FAM168A: variants seen among roughly 807,000 people sequenced by gnomAD.
FAM168A encodes the protein protein FAM168A.
A neutral mutation model predicts 28.5 loss-of-function variants in FAM168A; 3 were observed. The ratio of observed to expected loss-of-function variants is 0.11; its 90% CI spans 0.05 to 0.27. FAM168A has a LOEUF of 0.27. Ranked by LOEUF, FAM168A falls within the 10% of genes least tolerant of loss-of-function variation. FAM168A has a pLI of 1.00. For synonymous variants in FAM168A, 122 were observed against 124.2 expected (o/e 0.98, Z 0.12); for missense variants, 222 against 311.5 (o/e 0.71, Z 2.16).
At chr11:73,462,351 A>C (rs1337623212) in intron 2 of FAM168A, among the ~76,000 whole-genome samples, 2 of 152,212 alleles carry the variant, frequency 1.3e-5, no homozygotes, top group African/African-American at 4.8e-5. Flanking sequence ...TCACACAAGG[A>C]CAAATACTGT....
At chr11:73,544,751 T>TATATATTTTA (rs1943705952) in intron 1 of FAM168A, among the ~76,000 whole-genome samples, 1 of 90,796 alleles carries the variant, frequency 1.1e-5, no homozygotes, top group African/African-American at 6.2e-5. Context: ...ATTATATATT[T>TATATATTTTA]TATATGTAAT....
chr11:73,467,156 A>C (rs1270452914), intron 2 of FAM168A, among the ~76,000 whole-genome samples: 1 of 152,054 alleles, frequency 6.6e-6, no homozygotes, highest in East Asian at 1.9e-4. Flanking sequence ...AATTAACTTA[A>C]AACAGTTCCA....
chr11:73,415,053 T>C (rs1221672403), intron 4 of FAM168A, among the ~76,000 whole-genome samples: 1 of 152,102 alleles, frequency 6.6e-6, no homozygotes, highest in East Asian at 1.9e-4. Flanking sequence ...CTGAGGAAAA[T>C]CAAAAAGCTC....
At chr11:73,557,714 T>C (rs1468409195) in intron 1 of FAM168A, among the ~76,000 whole-genome samples, 6 of 152,134 alleles carry the variant, frequency 3.9e-5, no homozygotes, top group Non-Finnish European at 8.8e-5. Flanking sequence ...GCAAAAATAA[T>C]CTTGAAAAAG....
intron 6 of FAM168A, among the ~76,000 whole-genome samples, chr11:73,407,974 C>T (rs12269884): frequency 0.048 from 7,254 of 152,242 alleles, 544 homozygotes; most frequent in African/African-American, 0.16. Flanking sequence ...TGAGTTCAAG[C>T]GATTCTCCCG....
intron 2 of FAM168A, among the ~76,000 whole-genome samples, chr11:73,454,781 T>C (rs1590788770): frequency 6.6e-6 from 1 of 152,188 alleles, no homozygotes; most frequent in African/African-American, 2.4e-5. Flanking sequence ...TCGAAGAATC[T>C]GGCTGGAGAC....
At chr11:73,574,215 T>A (rs1944143403) in intron 1 of FAM168A, among the ~76,000 whole-genome samples, 2 of 152,244 alleles carry the variant, frequency 1.3e-5, no homozygotes, top group South Asian at 4.1e-4. Context: ...TTTTCCAATT[T>A]AAAAGGCATT....
chr11:73,474,052 C>T (rs1187905220), intron 1 of FAM168A, among the ~76,000 whole-genome samples: 1 of 152,078 alleles, frequency 6.6e-6, no homozygotes, highest in Non-Finnish European at 1.5e-5. Context: ...TCAAGTGATC[C>T]ACCCACCTCG....
chr11:73,407,860 A>G (rs962404429), intron 6 of FAM168A, among the ~76,000 whole-genome samples: 1 of 152,160 alleles, frequency 6.6e-6, no homozygotes, highest in African/African-American at 2.4e-5. Context: ...ATCAATGACT[A>G]TTCTAAGTCC....
chr11:73,572,226 G>A (rs1419819675), intron 1 of FAM168A, among the ~76,000 whole-genome samples: 74 of 150,394 alleles, frequency 4.9e-4, no homozygotes, highest in African/African-American at 1.7e-3. Context: ...GCCCCCGCCC[G>A]GCCAGCCGCC....
intron 1 of FAM168A, among the ~76,000 whole-genome samples, chr11:73,502,060 C>T (rs1190471022): frequency 1.3e-5 from 2 of 148,448 alleles, no homozygotes; most frequent in Admixed American, 6.7e-5. Flanking sequence ...GAGATTGCAC[C>T]ACTGCACTCC....
intron 1 of FAM168A, among the ~76,000 whole-genome samples, chr11:73,582,222 T>C (rs1171678553): frequency 6.6e-6 from 1 of 152,008 alleles, no homozygotes; most frequent in Admixed American, 6.6e-5. Flanking sequence ...GGAATCCTAA[T>C]TAAAATTGCC....
At chr11:73,585,730 T>C (rs977242738) in intron 1 of FAM168A, among the ~76,000 whole-genome samples, 6 of 151,846 alleles carry the variant, frequency 4.0e-5, no homozygotes, top group Non-Finnish European at 8.8e-5. Flanking sequence ...TACCTGAGCA[T>C]GGTGGCACGC....
chr11:73,512,100 C>G (rs937026072), intron 1 of FAM168A, among the ~76,000 whole-genome samples: 1 of 152,048 alleles, frequency 6.6e-6, no homozygotes, highest in African/African-American at 2.4e-5. Flanking sequence ...GATAAATGTG[C>G]CTACCATGTG....
chr11:73,432,745 C>G (rs1867017515), intron 2 of FAM168A, among the ~76,000 whole-genome samples: 1 of 152,042 alleles, frequency 6.6e-6, no homozygotes. Flanking sequence ...AACCCCGTCT[C>G]TACTAAAAAA....
intron 1 of FAM168A, among the ~76,000 whole-genome samples, chr11:73,480,661 T>C (rs551215774): frequency 1.3e-5 from 2 of 152,252 alleles, no homozygotes; most frequent in African/African-American, 4.8e-5. Context: ...TTTTATAGCT[T>C]ATGAAGAGAG....
intron 1 of FAM168A, among the ~76,000 whole-genome samples, chr11:73,482,685 G>A (rs991997039): frequency 6.6e-6 from 1 of 151,926 alleles, no homozygotes; most frequent in Non-Finnish European, 1.5e-5. Context: ...CAATATGTGT[G>A]AAATGTCACC....
rs186735349 is a variant in FAM168A at position 73,412,478 on chromosome 11, G to A, written c.278-942C>T. On this transcript the variant is annotated intron_variant, in intron 4 of 7. Transcript: ENST00000356467. Reference sequence around the variant, plus strand: ...GCCTTTTAATCCTCCGGAAAAGAGTGACAGATCCTTTGTTCACAGAAAAAA... The same window carrying A: ...GCCTTTTAATCCTCCGGAAAAGAGTAACAGATCCTTTGTTCACAGAAAAAA... Among the ~76,000 whole-genome samples, 265 of 152,300 alleles carry A rather than the reference G, an allele frequency of 1.7e-3. 2 individuals carry two copies. Among genetic ancestry groups the A allele is most frequent in the African/African-American group, 6.2e-3 (256 of 41,574 alleles).
At chr11:73,407,295 T>C (rs1404669163) in intron 7 of FAM168A, among the ~76,000 whole-genome samples, 1 of 152,176 alleles carries the variant, frequency 6.6e-6, no homozygotes, top group East Asian at 1.9e-4. Flanking sequence ...GGATAGCTAT[T>C]ATTATTTCTG....
Sources: allele counts gnomAD v4.1 joint callset (sites outside exome capture counted in the v4.1 genomes callset), GRCh38; gene constraint gnomAD v4.1.1; transcripts MANE v1.5; gene names NCBI Gene and HGNC (gene_info 2026-07-23, HGNC 2026-07-21).